Variants in NBPF14 observed in about 807,000 individuals in gnomAD.
The protein encoded by NBPF14 is NBPF member 14, also known as NBPF family member NBPF14.
Under a neutral mutation model 91.2 loss-of-function variants are expected in NBPF14, and 104 were observed. The observed-to-expected ratio is 1.14, with a 90% CI of 0.97 to 1.34. NBPF14 has a LOEUF of 1.34. Ranked by LOEUF, NBPF14 falls within the 40% of genes most tolerant of loss-of-function variation. NBPF14 has a pLI of 0.00. For missense variants in NBPF14, 908 were observed against 783.0 expected (o/e 1.16, Z -1.91); for synonymous variants, 294 against 303.8 (o/e 0.97, Z 0.34).
chr1:148,559,553 T>A (rs1359699122), intron 37 of NBPF14, among the ~76,000 whole-genome samples: 6 of 121,666 alleles, frequency 4.9e-5, no homozygotes, highest in Non-Finnish European at 6.3e-5. Context: ...TCCAATGTCA[T>A]GAGAGTAGGA....
exon 71 of NBPF14, chr1:148,532,473 A>G (rs1348041868): frequency 2.0e-5 from 3 of 152,448 alleles, no homozygotes; most frequent in African/African-American, 5.0e-5. Flanking sequence ...TTCTCTAACC[A>G]AAGGAGTCTA....
Position 148,533,841 on chromosome 1 carries a change from C to T in NBPF14, c.8723+20G>A, listed in dbSNP as rs1335122890. 4 of 766,040 alleles carry T rather than the reference C, an allele frequency of 5.2e-6. No individual in the cohort carries two copies. Among genetic ancestry groups the T allele is most frequent in the African/African-American group, 1.7e-5 (1 of 58,748 alleles). 47.5% of individuals were successfully genotyped at this position (766,040 alleles called of 1,614,324 possible). A position where few individuals can be genotyped will look rare whatever the true frequency, so the allele number is the denominator to read the frequency against. On this transcript the variant is annotated intron_variant, in intron 70 of 70. Coordinates refer to ENST00000619423, the Ensembl canonical transcript of NBPF14. ...CAGGAGTTAACACAGAACTAAGGAT[C>T]CACAATTGCTGAAAGTCACCTGGGG...
exon 29 of NBPF14, chr1:148,566,249 A>G: frequency 1.6e-6 from 1 of 626,940 alleles, no homozygotes; most frequent in Non-Finnish European, 2.8e-6. Flanking sequence ...AAGGAGTTGA[A>G]TAACATCTAT....
At chr1:148,592,727 C>T in exon 4 of NBPF14, 1 of 1,585,968 alleles carries the variant, frequency 6.3e-7, no homozygotes, top group Non-Finnish European at 8.6e-7. Flanking sequence ...TTAGCTGGGT[C>T]AGCTCTCGTT....
chr1:148,557,107 G>T (rs1456806997), intron 40 of NBPF14, among the ~76,000 whole-genome samples: 2 of 125,560 alleles, frequency 1.6e-5, no homozygotes, highest in Non-Finnish European at 3.1e-5. Flanking sequence ...GAGAGAACGA[G>T]CTCAGTGAAT....
At chr1:148,559,648 A>G (rs1430994632) in intron 37 of NBPF14, 145 bp downstream of exon 37, 90 of 590,882 alleles carry the variant, frequency 1.5e-4, no homozygotes, top group Non-Finnish European at 2.4e-4. Context: ...AAGTGGAACT[A>G]GAGTTTCATT....
Position 148,593,842 on chromosome 1 carries a change from A to G in NBPF14, c.176-142T>C. On this transcript the variant is annotated intron_variant, in intron 2 of 70. Coordinates refer to ENST00000619423, the Ensembl canonical transcript of NBPF14. ...TCTAGACAGGGATTTCCACATCTTTACTCTTCAGTCTCCTGACTTTCTGGC... is the reference window on the plus strand; with the variant it reads ...TCTAGACAGGGATTTCCACATCTTTGCTCTTCAGTCTCCTGACTTTCTGGC... 2.5e-6 allele frequency: 2 copies of G among 784,784 alleles called. 1 individual carries two copies. Among genetic ancestry groups the G allele is most frequent in the Non-Finnish European group, 4.2e-6 (2 of 479,314 alleles). 48.6% of individuals were successfully genotyped at this position (784,784 alleles called of 1,614,324 possible).
rs1484847682 is a variant in NBPF14 at position 148,557,721 on chromosome 1, G to C, written c.4955-179C>G. Among the ~76,000 whole-genome samples, 2 of 129,754 alleles carry C rather than the reference G, an allele frequency of 1.5e-5. 1 individual carries two copies. The allele number at this position is 129,754 out of a possible 152,430, so 85.1% of individuals were successfully genotyped here. On this transcript the variant is annotated intron_variant, in intron 39 of 70. Transcript: ENST00000619423. ...ATGATATTCCTTGCTTTGCATCTCAGAACCAAGGGTGAAATATCCCCATTC... is the reference window on the plus strand; with the variant it reads ...ATGATATTCCTTGCTTTGCATCTCACAACCAAGGGTGAAATATCCCCATTC...
At chr1:148,562,140 A>G (rs1657947130) in intron 34 of NBPF14, 96 bp downstream of exon 34, 1 of 202,614 alleles carries the variant, frequency 4.9e-6, no homozygotes, top group Non-Finnish European at 8.3e-6. Context: ...CTTGGTTGAA[A>G]AGATGTAATC....
At chr1:148,535,471 T>G (rs1480946059) in exon 68 of NBPF14, 14 of 474,692 alleles carry the variant, frequency 2.9e-5, no homozygotes, top group Non-Finnish European at 4.6e-5. Context: ...TGATGGGTCT[T>G]GGTCTTCTTC....
intron 16 of NBPF14, among the ~76,000 whole-genome samples, chr1:148,576,057 T>C (rs1398082762): frequency 1.4e-5 from 2 of 144,522 alleles, no homozygotes; most frequent in Non-Finnish European, 3.0e-5. Flanking sequence ...ATTGGCCGGG[T>C]GACACACTGA....
chr1:148,559,237 A>G (rs1657134964), intron 37 of NBPF14, among the ~76,000 whole-genome samples, 165 bp from the exon 38 acceptor site: 1 of 114,060 alleles, frequency 8.8e-6, no homozygotes, highest in African/African-American at 5.0e-5. Context: ...CACCATAGAG[A>G]TTCCTTGGTT....
rs1323782515 is a variant in NBPF14, at chr1:148,592,799, A to G, written c.279-33T>C. The G allele has an allele frequency of 6.7e-5, 98 of 1,455,552 alleles. 1 individual carries two copies. In the East Asian group the frequency reaches 1.1e-3, roughly 16 times the overall value. The allele number at this position is 1,455,552 out of a possible 1,614,324, so 90.2% of individuals were successfully genotyped here. ...GAGACGGTAGAGAAAATTTAAGAGT[A>G]GAAAGGGTTGAGTGATCCGTTCAAA... On this transcript the variant is annotated intron_variant, in intron 3 of 70. Transcript: ENST00000619423.
At chr1:148,579,859 G>C (rs1291893072) in intron 12 of NBPF14, among the ~76,000 whole-genome samples, 1 of 152,144 alleles carries the variant, frequency 6.6e-6, no homozygotes, top group African/African-American at 2.4e-5. Context: ...TGAGGGACCT[G>C]ACTGTTACAA....
intron 36 of NBPF14, 65 bp from the exon 37 acceptor site, chr1:148,560,030 G>A: frequency 1.4e-6 from 1 of 726,242 alleles, no homozygotes; most frequent in Non-Finnish European, 2.5e-6. Flanking sequence ...GCCCCAGCTA[G>A]ATTTCATGGC....
intron 21 of NBPF14, 25 bp downstream of exon 21, chr1:148,572,418 A>C: frequency 2.2e-6 from 1 of 453,290 alleles, no homozygotes; most frequent in Admixed American, 3.9e-5. Flanking sequence ...GTGGAGGCTT[A>C]TCACCTTCAC....
rs1274397968 is a variant in NBPF14 at position 148,566,027 on chromosome 1, G to A, written c.3715+116C>T. 282 of 252,652 alleles carry A rather than the reference G, an allele frequency of 1.1e-3. 19 individuals carry two copies. The highest frequency in any genetic ancestry group is 1.4e-3 in the Non-Finnish European group (206 of 144,760). The allele number at this position is 252,652 out of a possible 1,614,324, so 15.7% of individuals were successfully genotyped here. A position where few individuals can be genotyped will look rare whatever the true frequency, so the allele number is the denominator to read the frequency against. On this transcript the variant is annotated intron_variant, in intron 29 of 70. Transcript: ENST00000619423. ...TTCATTCAACCTACATGTGCCTATA[G>A]GTCCTCCCTGTGGCAATGACATCTC...
At chr1:148,559,958 T>A (rs1285921997) in exon 37 of NBPF14, 2 of 1,365,634 alleles carry the variant, frequency 1.5e-6, no homozygotes, top group Admixed American at 1.8e-5. Context: ...AGCAGCTCCC[T>A]GCTGAGCCTG....
chr1:148,577,790 G>C (rs1480231923), intron 14 of NBPF14, among the ~76,000 whole-genome samples, 193 bp downstream of exon 14: 7 of 139,912 alleles, frequency 5.0e-5, no homozygotes, highest in South Asian at 2.4e-4. Context: ...CACTAGGTTA[G>C]TAAATGATAA....
Sources: gnomAD v4.1 joint callset for allele counts (sites outside exome capture counted in the v4.1 genomes callset) on GRCh38, gnomAD v4.1.1 for gene constraint, MANE v1.5 for transcripts, NCBI Gene and HGNC (gene_info 2026-07-23, HGNC 2026-07-21) for gene names.